Variants in CNGA1 observed in about 807,000 individuals in gnomAD.
The protein encoded by CNGA1 is cyclic nucleotide gated channel subunit alpha 1.
Under a neutral mutation model 69.7 loss-of-function variants are expected in CNGA1, and 53 were observed. The ratio of observed to expected loss-of-function variants is 0.76; its 90% CI spans 0.61 to 0.96. The LOEUF (loss-of-function observed/expected upper bound fraction) is 0.96, where lower values mean the gene tolerates loss of function less well. Among genes scored for constraint, CNGA1 ranks in the 40% least tolerant of loss-of-function variants. The probability of loss-of-function intolerance (pLI) is 0.00; values close to 1 mark genes in which losing one functional copy is unlikely to be tolerated. For synonymous variants in CNGA1, 249 were observed against 283.5 expected (o/e 0.88, Z 1.22); for missense variants, 739 against 811.2 (o/e 0.91, Z 1.08).
intron 3 of CNGA1, among the ~76,000 whole-genome samples, chr4:47,974,128 TA>T (rs1465737123): frequency 1.3e-5 from 2 of 149,006 alleles, no homozygotes; most frequent in African/African-American, 4.9e-5. Flanking sequence ...AGATAGATGA[TA>T]GATAGCTAGA....
intron 2 of CNGA1, among the ~76,000 whole-genome samples, chr4:47,997,335 A>G (rs1265845260): frequency 6.6e-6 from 1 of 152,202 alleles, no homozygotes; most frequent in Non-Finnish European, 1.5e-5. Context: ...TCTATGTACT[A>G]CATTACTAAA....
chr4:47,961,386 C>G (rs931670691), intron 3 of CNGA1, among the ~76,000 whole-genome samples: 1 of 152,202 alleles, frequency 6.6e-6, no homozygotes, highest in African/African-American at 2.4e-5. Context: ...TTTTAAAACC[C>G]TCTTCTGTGG....
Position 47,943,389 on chromosome 4 carries a change from T to C in CNGA1, c.311A>G (p.Lys104Arg), listed in dbSNP as rs1057518486. 2 of 1,508,332 alleles carry C rather than the reference T, an allele frequency of 1.3e-6. No individual in the cohort carries two copies. The highest frequency in any genetic ancestry group is 1.8e-6 in the Non-Finnish European group (2 of 1,124,788). The allele number at this position is 1,508,332 out of a possible 1,614,324, so 93.4% of individuals were successfully genotyped here. ...KDQEPEEKKKKKKEKKSKSDD... is the reference protein window; with the variant it reads ...KDQEPEEKKKRKKEKKSKSDD... ...GTCTTACCTCTTCTTTTCTTTTTTC[T>C]TTTTCTTTTTTTCTTCTGGTTCCCT... Residue 104 changes from lysine to arginine, a missense_variant, in exon 7 of 11, where the codon AAG becomes AGG. Physicochemically the swap from Lys to Arg is conservative, Grantham distance 26. Transcript: ENST00000514170.
At chr4:47,966,828 C>T (rs1288573171) in intron 3 of CNGA1, among the ~76,000 whole-genome samples, 2 of 152,030 alleles carry the variant, frequency 1.3e-5, no homozygotes, top group Non-Finnish European at 2.9e-5. Context: ...ATAAGATTCA[C>T]AATAATAATG....
intron 10 of CNGA1, among the ~76,000 whole-genome samples, chr4:47,938,934 G>A (rs1430290704): frequency 6.7e-6 from 1 of 150,116 alleles, no homozygotes; most frequent in African/African-American, 2.5e-5. Flanking sequence ...AAGAAAGAGA[G>A]AGAGAGAGGG....
intron 1 of CNGA1, among the ~76,000 whole-genome samples, chr4:48,013,539 A>AT (rs1244322540): frequency 1.3e-5 from 2 of 152,236 alleles, no homozygotes; most frequent in Non-Finnish European, 1.5e-5. Context: ...TCATAGGTAG[A>AT]TAAGAGACAA....
intron 2 of CNGA1, among the ~76,000 whole-genome samples, chr4:47,991,630 G>A (rs1166144249): frequency 6.6e-6 from 1 of 152,162 alleles, no homozygotes; most frequent in Non-Finnish European, 1.5e-5. Context: ...TGTTTACTCT[G>A]CTGACTGTTC....
intron 3 of CNGA1, among the ~76,000 whole-genome samples, chr4:47,976,004 A>G (rs899920147): frequency 7.3e-5 from 11 of 151,176 alleles, no homozygotes; most frequent in Non-Finnish European, 1.3e-4. Context: ...TCACAATGAA[A>G]TTTCTCTAGA....
intron 10 of CNGA1, among the ~76,000 whole-genome samples, chr4:47,940,347 T>C (rs1739000382): frequency 6.6e-6 from 1 of 152,210 alleles, no homozygotes; most frequent in Admixed American, 6.5e-5. Context: ...ACCACAAAGC[T>C]GAGTTATGTG....
intron 3 of CNGA1, among the ~76,000 whole-genome samples, chr4:47,957,595 G>A (rs2110171014): frequency 6.6e-6 from 1 of 152,140 alleles, no homozygotes; most frequent in Middle Eastern, 3.4e-3. Flanking sequence ...ACTCTAGCCT[G>A]GGTGACAGAG....
At chr4:48,014,179 T>C (rs1715280675) in intron 1 of CNGA1, among the ~76,000 whole-genome samples, 1 of 152,228 alleles carries the variant, frequency 6.6e-6, no homozygotes, top group Non-Finnish European at 1.5e-5. Context: ...ATTTTTTTAA[T>C]GCTCTTCTTT....
At chr4:47,999,355 T>C (rs1407248207) in intron 2 of CNGA1, among the ~76,000 whole-genome samples, 1 of 152,232 alleles carries the variant, frequency 6.6e-6, no homozygotes, top group Non-Finnish European at 1.5e-5. Context: ...CAATCTGCCA[T>C]ATAAGTCTTA....
intron 3 of CNGA1, among the ~76,000 whole-genome samples, chr4:47,974,111 GATA>G (rs1429712754): frequency 2.3e-5 from 3 of 132,068 alleles, no homozygotes; most frequent in African/African-American, 7.8e-5. Flanking sequence ...TAGATAGATA[GATA>G]GATAGATAGA....
At chr4:47,993,470 G>A (rs898695661) in intron 2 of CNGA1, among the ~76,000 whole-genome samples, 2 of 152,064 alleles carry the variant, frequency 1.3e-5, no homozygotes, top group African/African-American at 4.8e-5. Flanking sequence ...TGGTTTATGT[G>A]TGTAAAGGCG....
At chr4:47,970,270 C>T (rs1440937293) in intron 3 of CNGA1, among the ~76,000 whole-genome samples, 1 of 152,114 alleles carries the variant, frequency 6.6e-6, no homozygotes, top group Non-Finnish European at 1.5e-5. Flanking sequence ...AAGAACACAG[C>T]CAGCACAAGG....
At chr4:47,983,201 G>A (rs1215376987) in intron 2 of CNGA1, among the ~76,000 whole-genome samples, 1 of 152,230 alleles carries the variant, frequency 6.6e-6, no homozygotes, top group African/African-American at 2.4e-5. Context: ...TAACACATGT[G>A]GTCTCTTGTG....
chr4:47,954,122 A>G (rs1968542), intron 3 of CNGA1, among the ~76,000 whole-genome samples: 129,435 of 151,968 alleles, frequency 0.85, 55,484 homozygotes, highest in East Asian at 0.98. Context: ...AGAGCAGCAG[A>G]GCAGCACGGC....
rs1738710010 is a variant in CNGA1, at chr4:47,937,151, A to G, written c.1331T>C (p.Val444Ala). Residue 444 changes from valine to alanine, a missense_variant, in exon 11 of 11, where the codon GTT becomes GCT. Coordinates refer to ENST00000514170, the MANE Select transcript of CNGA1 (RefSeq NM_001379270.1). ...FDYLWTNKKT[V>A]DEKEVLKYLP... Reference sequence around the variant, plus strand: ...ATACTTTAAGACTTCTTTCTCATCAACTGTTTTTTTGTTGGTCCACAGGTA... The same window carrying G: ...ATACTTTAAGACTTCTTTCTCATCAGCTGTTTTTTTGTTGGTCCACAGGTA... The G allele has an allele frequency of 6.2e-7, 1 of 1,614,180 alleles. No homozygotes were observed. Among genetic ancestry groups the G allele is most frequent in the Non-Finnish European group, 8.5e-7 (1 of 1,180,036 alleles).
At chr4:47,986,623 A>G (rs1420834452) in intron 2 of CNGA1, among the ~76,000 whole-genome samples, 1 of 152,222 alleles carries the variant, frequency 6.6e-6, no homozygotes, top group African/African-American at 2.4e-5. Context: ...AAATGTTTGT[A>G]CATTCATTTC....
Sources: allele counts gnomAD v4.1 joint callset (sites outside exome capture counted in the v4.1 genomes callset), GRCh38; gene constraint gnomAD v4.1.1; transcripts MANE v1.5; gene names NCBI Gene and HGNC (gene_info 2026-07-23, HGNC 2026-07-21).